The following OPCML variants were observed in gnomAD, a reference collection of about 807,000 sequenced individuals.
OPCML encodes the protein opioid binding protein/cell adhesion molecule like, also known as opioid-binding protein/cell adhesion molecule.
OPCML carries 13 observed loss-of-function variants against 37.8 expected under a neutral mutation model. The ratio of observed to expected loss-of-function variants is 0.34; its 90% confidence interval spans 0.22 to 0.55. The LOEUF (loss-of-function observed/expected upper bound fraction) is 0.55. Among genes scored for constraint, OPCML ranks in the 20% least tolerant of loss-of-function variants. The pLI, the probability that OPCML is intolerant of heterozygous loss-of-function variation, is 0.91. For synonymous variants in OPCML, 176 were observed against 168.8 expected (o/e 1.04, Z -0.33); for missense variants, 341 against 435.6 (o/e 0.78, Z 1.93).
intron 1 of OPCML, among the ~76,000 whole-genome samples, chr11:133,160,523 A>G (rs1001426044): frequency 6.6e-6 from 1 of 152,216 alleles, no homozygotes; most frequent in East Asian, 1.9e-4. Flanking sequence ...GACTTGTCTC[A>G]TCAATGTTTC....
chr11:133,505,802 T>G (rs917451541), intron 1 of OPCML, among the ~76,000 whole-genome samples: 21 of 152,246 alleles, frequency 1.4e-4, no homozygotes, highest in Non-Finnish European at 2.9e-4. Context: ...TCTGCCTCCA[T>G]GAAGGCCACA....
intron 3 of OPCML, among the ~76,000 whole-genome samples, chr11:132,631,817 CAGGT>C (rs1159760388): frequency 2.0e-5 from 3 of 151,976 alleles, no homozygotes; most frequent in Non-Finnish European, 2.9e-5. Context: ...AAGCACAAGA[CAGGT>C]AGTGTCTACA....
intron 2 of OPCML, among the ~76,000 whole-genome samples, chr11:132,939,173 C>T (rs1591828155): frequency 6.6e-6 from 1 of 152,126 alleles, no homozygotes; most frequent in Admixed American, 6.5e-5. Context: ...CTAATGGCTA[C>T]TCAAAATCTT....
intron 3 of OPCML, among the ~76,000 whole-genome samples, chr11:132,603,407 C>T (rs1283814511): frequency 2.0e-5 from 3 of 152,188 alleles, no homozygotes; most frequent in Admixed American, 1.3e-4. Flanking sequence ...ACATTCAGTT[C>T]GTCACCAGTT....
intron 3 of OPCML, among the ~76,000 whole-genome samples, chr11:132,561,083 A>G (rs2096409677): frequency 6.6e-6 from 1 of 152,292 alleles, no homozygotes; most frequent in South Asian, 2.1e-4. Flanking sequence ...TTGGAAGTCA[A>G]TTTAGACTTC....
chr11:133,284,930 T>C (rs1000541440), intron 1 of OPCML, among the ~76,000 whole-genome samples: 6 of 152,016 alleles, frequency 3.9e-5, no homozygotes, highest in African/African-American at 1.4e-4. Flanking sequence ...GTTCTTGCTC[T>C]AGGAGAACTT....
intron 3 of OPCML, among the ~76,000 whole-genome samples, chr11:132,605,152 C>G (rs908740358): frequency 8.5e-5 from 13 of 152,108 alleles, no homozygotes; most frequent in African/African-American, 3.1e-4. Context: ...AAAACAAATG[C>G]AATAATATTG....
At chr11:133,287,480 A>G (rs1942335122) in intron 1 of OPCML, among the ~76,000 whole-genome samples, 1 of 149,046 alleles carries the variant, frequency 6.7e-6, no homozygotes, top group Admixed American at 6.7e-5. Flanking sequence ...GCTCATGCCC[A>G]CCAGACCGGA....
intron 2 of OPCML, among the ~76,000 whole-genome samples, chr11:132,861,852 A>T (rs924408683): frequency 4.6e-5 from 7 of 152,018 alleles, no homozygotes; most frequent in African/African-American, 1.7e-4. Flanking sequence ...AAAAAAAAAA[A>T]AAAACAAAAA....
intron 4 of OPCML, among the ~76,000 whole-genome samples, chr11:132,458,856 G>T (rs1000605992): frequency 6.6e-6 from 1 of 152,126 alleles, no homozygotes; most frequent in Admixed American, 6.6e-5. Flanking sequence ...GTTGACATAT[G>T]TGAAGAAAAT....
chr11:132,510,429 C>CA (rs1387244415), intron 4 of OPCML, among the ~76,000 whole-genome samples: 2 of 152,012 alleles, frequency 1.3e-5, no homozygotes, highest in Non-Finnish European at 2.9e-5. Flanking sequence ...GGGCCAGGGG[C>CA]AGAGTAATAT....
At chr11:132,959,135 C>A (rs938089208) in intron 1 of OPCML, among the ~76,000 whole-genome samples, 1 of 152,300 alleles carries the variant, frequency 6.6e-6, no homozygotes. Context: ...GTCAAAGTAT[C>A]CACATTAACA....
At chr11:132,950,806 C>T (rs1308761966) in intron 1 of OPCML, among the ~76,000 whole-genome samples, 5 of 152,184 alleles carry the variant, frequency 3.3e-5, no homozygotes, top group Non-Finnish European at 5.9e-5. Context: ...TTAGTTGTCT[C>T]TTAATATATC....
At chr11:132,918,408 C>T (rs1360264592) in intron 2 of OPCML, among the ~76,000 whole-genome samples, 2 of 152,174 alleles carry the variant, frequency 1.3e-5, no homozygotes, top group Non-Finnish European at 2.9e-5. Context: ...TTCCCTGTAC[C>T]TCCTGCAGCA....
At chr11:132,978,696 A>T (rs1591872482) in intron 1 of OPCML, among the ~76,000 whole-genome samples, 1 of 152,160 alleles carries the variant, frequency 6.6e-6, no homozygotes, top group Non-Finnish European at 1.5e-5. Context: ...CTCTGTCTCC[A>T]TGTTCCCCCT....
chr11:132,805,519 A>G (rs921830329), intron 2 of OPCML, among the ~76,000 whole-genome samples: 1 of 152,220 alleles, frequency 6.6e-6, no homozygotes, highest in Non-Finnish European at 1.5e-5. Flanking sequence ...CTAACTGTTG[A>G]AAACCAAATA....
intron 1 of OPCML, among the ~76,000 whole-genome samples, chr11:133,027,022 G>A (rs565224815): frequency 6.6e-6 from 1 of 152,286 alleles, no homozygotes; most frequent in African/African-American, 2.4e-5. Context: ...TAAGGTGGAG[G>A]GATCTGTAGC....
chr11:133,291,467 G>A (rs1942472475), intron 1 of OPCML, among the ~76,000 whole-genome samples: 1 of 152,160 alleles, frequency 6.6e-6, no homozygotes, highest in Non-Finnish European at 1.5e-5. Context: ...CTGCTGGTGG[G>A]CACCCCTCAG....
chr11:132,930,524 G>A (rs1351245365), intron 2 of OPCML, among the ~76,000 whole-genome samples: 9 of 151,820 alleles, frequency 5.9e-5, no homozygotes, highest in Admixed American at 2.0e-4. Flanking sequence ...TTACATTGTA[G>A]AATACAAAAA....
Sources: gnomAD v4.1 joint callset for allele counts (sites outside exome capture counted in the v4.1 genomes callset) on GRCh38, gnomAD v4.1.1 for gene constraint, MANE v1.5 for transcripts, NCBI Gene and HGNC (gene_info 2026-07-23, HGNC 2026-07-21) for gene names.